EXOC4: variants seen among roughly 807,000 people sequenced by gnomAD.
EXOC4 encodes the protein SEC8-like 1.
Under a neutral mutation model 107.2 loss-of-function variants are expected in EXOC4, and 71 were observed. That is an observed-to-expected ratio of 0.66 (90% CI 0.55 to 0.81). EXOC4 has a LOEUF of 0.81. Among genes scored for constraint, EXOC4 ranks in the 30% least tolerant of loss-of-function variants. EXOC4 has a pLI of 0.00. For missense variants in EXOC4, 1,108 were observed against 1,189.6 expected, an observed-to-expected ratio of 0.93 and a Z score of 1.01; for synonymous variants, 456 against 441.2, an observed-to-expected ratio of 1.03 and a Z score of -0.42.
intron 11 of EXOC4, among the ~76,000 whole-genome samples, chr7:133,827,217 G>A (rs771594201): frequency 6.6e-6 from 1 of 152,178 alleles, no homozygotes; most frequent in Non-Finnish European, 1.5e-5. Context: ...AAAGGAACTT[G>A]TCCTCGTAAC....
intron 9 of EXOC4, among the ~76,000 whole-genome samples, chr7:133,488,292 C>CT (rs1156556709): frequency 6.6e-6 from 1 of 152,090 alleles, no homozygotes; most frequent in African/African-American, 2.4e-5. Flanking sequence ...TAGTCTAGTG[C>CT]TTTTTAAATT....
At chr7:133,713,324 T>C (rs796478341) in intron 10 of EXOC4, among the ~76,000 whole-genome samples, 4 of 152,196 alleles carry the variant, frequency 2.6e-5, no homozygotes, top group Non-Finnish European at 5.9e-5. Flanking sequence ...ACCAACTAGA[T>C]TGTGACCTCC....
At chr7:133,553,200 A>T (rs935266764) in intron 9 of EXOC4, among the ~76,000 whole-genome samples, 1 of 152,198 alleles carries the variant, frequency 6.6e-6, no homozygotes, top group African/African-American at 2.4e-5. Flanking sequence ...ATAAAGTGTG[A>T]TATACATATA....
intron 7 of EXOC4, among the ~76,000 whole-genome samples, chr7:133,462,204 A>G (rs919751107): frequency 3.9e-5 from 6 of 152,138 alleles, no homozygotes; most frequent in Admixed American, 6.5e-5. Context: ...TAAAGTGACT[A>G]TAGTAAGTAG....
chr7:134,004,850 G>A (rs1269295735), intron 15 of EXOC4, 62 bp from the exon 16 acceptor site: 1 of 1,425,272 alleles, frequency 7.0e-7, no homozygotes, highest in East Asian at 2.3e-5. Flanking sequence ...TCTGTCCCAA[G>A]ATCATTGCCC....
intron 8 of EXOC4, among the ~76,000 whole-genome samples, chr7:133,475,873 A>G (rs1430056265): frequency 6.6e-6 from 1 of 152,180 alleles, no homozygotes; most frequent in Non-Finnish European, 1.5e-5. Context: ...GCTAAGCAGT[A>G]TTGGGCCTTA....
At chr7:133,823,557 G>A (rs1002622592) in intron 11 of EXOC4, among the ~76,000 whole-genome samples, 2 of 151,822 alleles carry the variant, frequency 1.3e-5, no homozygotes, top group African/African-American at 4.8e-5. Flanking sequence ...GCTCACACCT[G>A]TAATCCCATC....
At chr7:133,629,730 A>G (rs2151014493) in intron 9 of EXOC4, among the ~76,000 whole-genome samples, 1 of 149,588 alleles carries the variant, frequency 6.7e-6, no homozygotes, top group South Asian at 2.1e-4. Flanking sequence ...TTTAATAGAG[A>G]TGGGGTTTCA....
At chr7:134,069,260 C>T (rs1305311847), downstream of EXOC4, among the ~76,000 whole-genome samples, 1 of 149,302 alleles carries the variant, frequency 6.7e-6, no homozygotes, top group African/African-American at 2.5e-5. Flanking sequence ...CTCCTACTTC[C>T]TCCCTCCTCT....
intron 15 of EXOC4, among the ~76,000 whole-genome samples, chr7:134,004,502 G>T (rs1029967691): frequency 6.6e-6 from 1 of 152,234 alleles, no homozygotes; most frequent in African/African-American, 2.4e-5. Context: ...CATCTTCATT[G>T]CAACAATATC....
chr7:133,411,703 A>G (rs1397871347), intron 7 of EXOC4, among the ~76,000 whole-genome samples: 1 of 152,144 alleles, frequency 6.6e-6, no homozygotes, highest in Non-Finnish European at 1.5e-5. Flanking sequence ...CTAAACATGT[A>G]TTGACATTCT....
intron 10 of EXOC4, chr7:133,771,283 C>T (rs1435477818): frequency 6.6e-6 from 1 of 151,924 alleles, no homozygotes; most frequent in African/African-American, 2.4e-5. Flanking sequence ...GCCTCATTTG[C>T]TGTTGTACCT....
At chr7:133,733,657 G>A (rs1795377066) in intron 10 of EXOC4, 1 of 152,206 alleles carries the variant, frequency 6.6e-6, no homozygotes, top group South Asian at 2.1e-4. Flanking sequence ...TATGGCATTT[G>A]GCATATACAG....
At chr7:133,254,042 A>G (rs1232252526) in intron 1 of EXOC4, 8 of 143,902 alleles carry the variant, frequency 5.6e-5, no homozygotes, top group African/African-American at 2.1e-4. Flanking sequence ...TTTATTTTTC[A>G]TAAACAAACA....
intron 3 of EXOC4, among the ~76,000 whole-genome samples, chr7:133,302,169 T>C (rs943294201): frequency 6.6e-6 from 1 of 152,340 alleles, no homozygotes; most frequent in Admixed American, 6.5e-5. Context: ...TTTAGAATTT[T>C]TGTTTTCATA....
intron 17 of EXOC4, among the ~76,000 whole-genome samples, chr7:134,030,507 A>G (rs1486109177): frequency 6.6e-6 from 1 of 152,296 alleles, no homozygotes; most frequent in African/African-American, 2.4e-5. Context: ...TTGCCTAACA[A>G]TGCGGCTAGA....
At chr7:133,957,989 G>A (rs2346268) in intron 14 of EXOC4, among the ~76,000 whole-genome samples, 105,251 of 152,060 alleles carry the variant, frequency 0.69, 36,812 homozygotes, top group East Asian at 0.91. Context: ...GCACCAGGTA[G>A]AAATCACAGC....
intron 10 of EXOC4, among the ~76,000 whole-genome samples, chr7:133,787,963 T>TATATATATATATATA (rs1796616109): frequency 2.4e-5 from 1 of 40,980 alleles, no homozygotes; most frequent in Non-Finnish European, 4.5e-5. Context: ...ATTTATATAT[T>TATATATATATATATA]TATATATATA....
chr7:133,784,439 A>G (rs184733092), intron 10 of EXOC4, among the ~76,000 whole-genome samples: 2 of 152,212 alleles, frequency 1.3e-5, no homozygotes, highest in South Asian at 2.1e-4. Context: ...TAGGTGATAT[A>G]TGGAGCACCC....
Sources: allele counts gnomAD v4.1 joint callset (sites outside exome capture counted in the v4.1 genomes callset), GRCh38; gene constraint gnomAD v4.1.1; transcripts MANE v1.5; gene names NCBI Gene and HGNC (gene_info 2026-07-23, HGNC 2026-07-21).